Variants in BICC1 observed in about 807,000 individuals in gnomAD.
BICC1 encodes protein bicaudal C homolog 1.
BICC1 carries 43 observed loss-of-function variants against 111.0 expected under a neutral mutation model. The observed-to-expected ratio is 0.39, with a 90% CI of 0.30 to 0.50. BICC1 has a LOEUF of 0.50. Ranked by LOEUF, BICC1 falls within the 20% of genes least tolerant of loss-of-function variation. The probability of loss-of-function intolerance (pLI) is 0.88; values close to 1 mark genes in which losing one functional copy is unlikely to be tolerated. For synonymous variants in BICC1, 467 were observed against 434.4 expected (o/e 1.07, Z -0.93); for missense variants, 1,091 against 1,203.2 (o/e 0.91, Z 1.38).
intron 1 of BICC1, among the ~76,000 whole-genome samples, chr10:58,555,244 G>A (rs1843412377): frequency 6.9e-6 from 1 of 145,296 alleles, no homozygotes; most frequent in African/African-American, 2.5e-5. Context: ...TATTCCTGTT[G>A]TAACAACCTC....
In BICC1 at chr10:58,513,181, A is replaced by T. The variant is rs747643498; in HGVS notation, c.38A>T (p.Gln13Leu). ...AQGEPGYLAAQSDPGSNSERS... is the reference protein window; with the variant it reads ...AQGEPGYLAALSDPGSNSERS... ...GGAGAGCCCGGCTACCTGGCGGCGC[A>T]GTCGGACCCCGGCTCCAACAGCGAG... The change falls in exon 1 of 21, where the codon CAG becomes CTG. Residue 13 changes from glutamine to leucine, a missense_variant. Coordinates refer to ENST00000373886, the MANE Select transcript of BICC1 (RefSeq NM_001080512.3). 2.5e-6 allele frequency: 4 copies of T among 1,581,382 alleles called. No homozygotes were observed. The South Asian group carries it at 4.6e-5, about 18-fold the overall frequency.
At chr10:58,740,118 T>C (rs911471302) in intron 3 of BICC1, among the ~76,000 whole-genome samples, 1 of 152,184 alleles carries the variant, frequency 6.6e-6, no homozygotes, top group African/African-American at 2.4e-5. Context: ...ATAGGATGGC[T>C]GTGGGATTTA....
At position 58,796,099 on chromosome 10, in the gene BICC1, A is replaced by G. The variant is rs12259948; in HGVS notation, c.1180-241A>G. 0.028 allele frequency among the ~76,000 whole-genome samples: 4,330 copies of G among 152,268 alleles called. 193 individuals are homozygous for G. The highest frequency in any genetic ancestry group is 0.09 in the African/African-American group (3,750 of 41,526). ...GAATAGGAACATATATGCAGCTACT[A>G]TCACAGCTCCTGGAACCCAGAACAT... On this transcript the variant is annotated intron_variant, in intron 9 of 20. Transcript: ENST00000373886.
intron 3 of BICC1, among the ~76,000 whole-genome samples, chr10:58,771,544 CT>C (rs1842622684): frequency 6.6e-6 from 1 of 152,030 alleles, no homozygotes; most frequent in African/African-American, 2.4e-5. Context: ...TTACTTTGCA[CT>C]GGAGGGGCCT....
rs1394412605 is a variant in BICC1, at chr10:58,828,858, C to T, written c.2892C>T (p.His964=). ...GTGGAAGGCTACCCCGTCAGTATCA[C>T]TCAGACATTGCTAGTGTCAGTGGCC... ...GASGRLPRQY[H]SDIASVSGRW The change falls in exon 21 of 21, where the codon CAC becomes CAT. Residue 964 remains histidine (H), a synonymous_variant. Coordinates refer to ENST00000373886, the MANE Select transcript of BICC1 (RefSeq NM_001080512.3). The T allele has an allele frequency of 1.2e-6, 2 of 1,613,872 alleles. No homozygotes were observed. Among genetic ancestry groups the T allele is most frequent in the African/African-American group, 1.3e-5 (1 of 74,924 alleles).
chr10:58,701,970 C>T, intron 2 of BICC1, 104 bp from the exon 3 acceptor site: 1 of 766,522 alleles, frequency 1.3e-6, no homozygotes. Flanking sequence ...TTTGTATGAA[C>T]ATGAACTTAG....
intron 1 of BICC1, among the ~76,000 whole-genome samples, chr10:58,590,465 A>C (rs1478598816): frequency 6.6e-6 from 1 of 152,206 alleles, no homozygotes; most frequent in African/African-American, 2.4e-5. Flanking sequence ...TATCTCTTAA[A>C]ATTTCTTCTT....
intron 13 of BICC1, among the ~76,000 whole-genome samples, chr10:58,800,533 C>A (rs1843510551): frequency 6.6e-6 from 1 of 152,178 alleles, no homozygotes; most frequent in Admixed American, 6.5e-5. Flanking sequence ...CAGAAATAAT[C>A]ATTTCCCCAT....
chr10:58,734,409 T>C (rs1841407282), intron 3 of BICC1, among the ~76,000 whole-genome samples: 1 of 152,262 alleles, frequency 6.6e-6, no homozygotes, highest in South Asian at 2.1e-4. Flanking sequence ...GAATTTATTT[T>C]TGCTTTAAAC....
At chr10:58,671,989 G>A (rs1839198264) in intron 2 of BICC1, among the ~76,000 whole-genome samples, 1 of 152,002 alleles carries the variant, frequency 6.6e-6, no homozygotes, top group South Asian at 2.1e-4. Flanking sequence ...CCACCATTCT[G>A]GAAGCTCGTT....
intron 4 of BICC1, among the ~76,000 whole-genome samples, chr10:58,785,958 C>T (rs971556233): frequency 6.6e-6 from 1 of 151,996 alleles, no homozygotes; most frequent in East Asian, 1.9e-4. Context: ...AAATTACTCC[C>T]CTGATAATTA....
At chr10:58,686,623 T>A (rs545042460) in intron 2 of BICC1, among the ~76,000 whole-genome samples, 1 of 152,262 alleles carries the variant, frequency 6.6e-6, no homozygotes, top group East Asian at 1.9e-4. Flanking sequence ...CATTTGATCT[T>A]CAATCACTTA....
intron 2 of BICC1, among the ~76,000 whole-genome samples, chr10:58,689,996 T>C (rs971769326): frequency 6.6e-6 from 1 of 152,204 alleles, no homozygotes; most frequent in Non-Finnish European, 1.5e-5. Context: ...GTAATCAAAA[T>C]TATTCTGACC....
At chr10:58,777,131 T>G (rs1179428413) in intron 3 of BICC1, among the ~76,000 whole-genome samples, 2 of 151,432 alleles carry the variant, frequency 1.3e-5, no homozygotes, top group Non-Finnish European at 2.9e-5. Context: ...TGCCTTGATT[T>G]TTGCTTTCTA....
At chr10:58,588,798 C>T (rs1398250348) in intron 1 of BICC1, among the ~76,000 whole-genome samples, 1 of 152,186 alleles carries the variant, frequency 6.6e-6, no homozygotes, top group Admixed American at 6.5e-5. Flanking sequence ...GCTAAGCACA[C>T]TGCGTGAAGG....
chr10:58,577,495 A>G (rs577262338), intron 1 of BICC1, among the ~76,000 whole-genome samples: 8 of 152,220 alleles, frequency 5.3e-5, no homozygotes, highest in Admixed American at 2.6e-4. Context: ...GATAAAGAAT[A>G]TGGAAGACAG....
chr10:58,809,652 G>A (rs1218787457), intron 17 of BICC1, among the ~76,000 whole-genome samples: 1 of 152,204 alleles, frequency 6.6e-6, no homozygotes, highest in Non-Finnish European at 1.5e-5. Context: ...ATGCTCACTG[G>A]TGGAAATATT....
chr10:58,690,237 C>T (rs1839871910), intron 2 of BICC1, among the ~76,000 whole-genome samples: 1 of 152,232 alleles, frequency 6.6e-6, no homozygotes, highest in South Asian at 2.1e-4. Context: ...TTCCGCATTT[C>T]CCAGCCACCT....
At chr10:58,666,090 G>A (rs767910808) in intron 2 of BICC1, among the ~76,000 whole-genome samples, 38 of 152,316 alleles carry the variant, frequency 2.5e-4, no homozygotes, top group Middle Eastern at 6.8e-3. Flanking sequence ...TGAATGATTT[G>A]CAAATCGGGC....
Sources: gnomAD v4.1 joint callset for allele counts (sites outside exome capture counted in the v4.1 genomes callset) on GRCh38, gnomAD v4.1.1 for gene constraint, MANE v1.5 for transcripts, NCBI Gene and HGNC (gene_info 2026-07-23, HGNC 2026-07-21) for gene names.